CEACAM21: variants seen among roughly 807,000 people sequenced by gnomAD.
CEACAM21 encodes cell adhesion molecule CEACAM21.
In CEACAM21, 38 loss-of-function variants were observed where a neutral mutation model predicts 33.2. The ratio of observed to expected loss-of-function variants is 1.14; its 90% CI spans 0.88 to 1.50. The LOEUF is 1.50. Among genes scored for constraint, CEACAM21 ranks in the 40% most tolerant of loss-of-function variants. The pLI is 0.00. For missense variants in CEACAM21, 385 were observed against 364.6 expected (o/e 1.06, Z -0.46); for synonymous variants, 156 against 143.0 (o/e 1.09, Z -0.65).
intron 1 of CEACAM21, 61 bp from the exon 2 acceptor site, chr19:41,577,138 AC>A: frequency 6.2e-7 from 1 of 1,601,416 alleles, no homozygotes; most frequent in Non-Finnish European, 8.5e-7. Context: ...TGCACCCAGG[AC>A]CCCGTCTTTC....
upstream of CEACAM21, among the ~76,000 whole-genome samples, chr19:41,575,502 A>G (rs1555790701): frequency 1.3e-5 from 2 of 152,196 alleles, no homozygotes; most frequent in Non-Finnish European, 2.9e-5. Flanking sequence ...TCCACAAAAT[A>G]TATGTATTTG....
chr19:41,560,013 A>G lies in CEACAM21; in HGVS notation c.-778-4669A>G, dbSNP rs150302322. Among the ~76,000 whole-genome samples, 538 of 152,268 alleles carry G rather than the reference A, an allele frequency of 3.5e-3. 2 individuals are homozygous for G. Among genetic ancestry groups the G allele is most frequent in the Non-Finnish European group, 4.8e-3 (329 of 68,010 alleles). On this transcript the variant is annotated intron_variant, in intron 1 of 7. Coordinates refer to the CEACAM21 transcript ENST00000407170. ...TCTCAAAAACAAAACAAAACAAAAC[A>G]AAACAAAAAGCATGAGTAGCCCTAT...
chr19:41,556,257 C>T (rs1555785582), intron 1 of CEACAM21, among the ~76,000 whole-genome samples: 1 of 152,218 alleles, frequency 6.6e-6, no homozygotes, highest in African/African-American at 2.4e-5. Context: ...GAACCAAGCA[C>T]CTATTTGTTT....
Position 41,585,423 on chromosome 19 carries a change from A to G in CEACAM21, c.798-20A>G. Reference sequence around the variant, plus strand: ...GACTTTTAACCTTGCACCTTCACAAATAACCCTGACCTTTCCTAGGGCCAG... The same window carrying G: ...GACTTTTAACCTTGCACCTTCACAAGTAACCCTGACCTTTCCTAGGGCCAG... On this transcript the variant is annotated intron_variant, in intron 4 of 6. Transcript: ENST00000401445. 1 of 1,613,692 alleles carries G rather than the reference A, an allele frequency of 6.2e-7. No individual in the cohort carries two copies. The highest frequency in any genetic ancestry group is 1.3e-5 in the African/African-American group (1 of 74,996).
chr19:41,555,384 C>A (rs2122161342), intron 1 of CEACAM21: 1 of 149,654 alleles, frequency 6.7e-6, no homozygotes, highest in Admixed American at 6.7e-5. Context: ...GAGTAACCAG[C>A]TGAATGTCAG....
chr19:41,555,648 C>G (rs1326872957), intron 1 of CEACAM21, among the ~76,000 whole-genome samples: 1 of 151,878 alleles, frequency 6.6e-6, no homozygotes, highest in Non-Finnish European at 1.5e-5. Flanking sequence ...GCCACAAGAC[C>G]AAGCCACACA....
At chr19:41,580,426 A>G (rs2043290784) in intron 3 of CEACAM21, among the ~76,000 whole-genome samples, 1 of 152,192 alleles carries the variant, frequency 6.6e-6, no homozygotes. Flanking sequence ...CAGAGGGCTC[A>G]GTCCCACAAA....
intron 4 of CEACAM21, among the ~76,000 whole-genome samples, chr19:41,585,092 C>T (rs189644432): frequency 2.0e-5 from 3 of 152,314 alleles, no homozygotes; most frequent in Non-Finnish European, 4.4e-5. Context: ...CAGTGTCCTG[C>T]ACATGTGCCT....
At position 41,577,327 on chromosome 19, in the gene CEACAM21, C is replaced by T. The variant is rs1478839974; in HGVS notation, c.192C>T (p.Ser64=). 3.7e-6 allele frequency: 6 copies of T among 1,614,094 alleles called. No homozygotes were observed. The highest frequency in any genetic ancestry group is 5.1e-6 in the Non-Finnish European group (6 of 1,179,974). The change falls in exon 2 of 7, where the codon AGC becomes AGT. Residue 64 remains serine, a synonymous_variant. Coordinates refer to ENST00000401445, the MANE Select transcript of CEACAM21 (RefSeq NM_001098506.4). ...SVVYLPENLY[S]YGWYKGKTVE... is the part of the protein sequence containing the mutation. ...TTTATCTGCCCGAGAATCTTTACAG[C>T]TATGGCTGGTACAAAGGGAAAACGG...
At chr19:41,572,147 A>G (rs1356300385), upstream of CEACAM21, among the ~76,000 whole-genome samples, 1 of 152,214 alleles carries the variant, frequency 6.6e-6, no homozygotes, top group East Asian at 1.9e-4. Flanking sequence ...TGCTAAAACT[A>G]CAAAAGTGAC....
chr19:41,565,252 C>A (rs1241100939), intron 2 of CEACAM21, among the ~76,000 whole-genome samples: 1 of 152,040 alleles, frequency 6.6e-6, no homozygotes, highest in African/African-American at 2.4e-5. Context: ...GCACCGCCAC[C>A]GCTACTCCAG....
Position 41,583,813 on chromosome 19 carries a change from A to C in CEACAM21, c.701-534A>C, listed in dbSNP as rs2070495970. 2.0e-5 allele frequency among the ~76,000 whole-genome samples: 3 copies of C among 152,254 alleles called. 1 individual carries two copies. Among genetic ancestry groups the C allele is most frequent in the Middle Eastern group, 3.2e-3 (1 of 316 alleles). ...CAAGGTGAGATTTGGGTGGGGATAC[A>C]GAGCCTAACCATATCAATGGTGATG... On this transcript the variant is annotated intron_variant, in intron 3 of 6. Transcript: ENST00000401445.
At chr19:41,556,927 T>C (rs566047688) in intron 1 of CEACAM21, among the ~76,000 whole-genome samples, 1 of 152,348 alleles carries the variant, frequency 6.6e-6, no homozygotes, top group African/African-American at 2.4e-5. Flanking sequence ...AATAGGTCAA[T>C]TGTTTAGAAT....
chr19:41,556,832 T>C (rs374067527), intron 1 of CEACAM21, among the ~76,000 whole-genome samples: 1 of 152,244 alleles, frequency 6.6e-6, no homozygotes, highest in Non-Finnish European at 1.5e-5. Flanking sequence ...AGATTTTTTA[T>C]CTTTAATTTT....
intron 2 of CEACAM21, among the ~76,000 whole-genome samples, chr19:41,567,037 C>T (rs958396848): frequency 2.2e-4 from 34 of 151,484 alleles, no homozygotes; most frequent in African/African-American, 8.1e-4. Flanking sequence ...TTTATATTTT[C>T]ATATTGTTTT....
Position 41,579,568 on chromosome 19 carries a change from T to C in CEACAM21, c.640T>C (p.Cys214Arg), listed in dbSNP as rs2043215274. ...IRQEDAGEYQ[C>R]EVSNPVSSNR... ...GCAGGAGGACGCTGGGGAGTATCAG[T>C]GTGAGGTCTCCAACCCAGTCAGCTC... The change falls in exon 3 of 7, where the codon TGT (cysteine) becomes CGT (arginine). Residue 214 changes from cysteine to arginine, a missense_variant. Transcript: ENST00000401445. 2 of 1,600,884 alleles carry C rather than the reference T, an allele frequency of 1.2e-6. No individual in the cohort carries two copies. Among genetic ancestry groups the C allele is most frequent in the South Asian group, 2.2e-5 (2 of 89,268 alleles).
chr19:41,577,521 C>G lies in CEACAM21; in HGVS notation c.386C>G (p.Ser129Cys). ...YYNLQVTYRNSQIEQASHHLR... is the reference protein window; with the variant it reads ...YYNLQVTYRNCQIEQASHHLR... The stretch of plus-strand genomic sequence containing the variant: ...AACCTACAAGTCACATACAGAAATT[C>G]TCAGATTGAACAGGCATCTCACCAT... Residue 129 changes from serine (S) to cysteine (C), a missense_variant, in exon 2 of 7, where the codon TCT (serine) becomes TGT (cysteine). Ser to Cys is a moderately radical substitution (Grantham distance 112). Transcript: ENST00000401445. 3.7e-6 allele frequency: 6 copies of G among 1,614,034 alleles called. No homozygotes were observed. The highest frequency in any genetic ancestry group is 5.1e-6 in the Non-Finnish European group (6 of 1,180,002).
chr19:41,571,648 A>G (rs2042620397), upstream of CEACAM21, among the ~76,000 whole-genome samples: 1 of 152,194 alleles, frequency 6.6e-6, no homozygotes. Context: ...AAATTTGTAG[A>G]CTTTTGTATT....
At chr19:41,572,956 A>G (rs996049635), upstream of CEACAM21, among the ~76,000 whole-genome samples, 7 of 152,066 alleles carry the variant, frequency 4.6e-5, no homozygotes, top group African/African-American at 1.7e-4. Flanking sequence ...GCCCCTCCAG[A>G]TCTTCTCCCA....
Sources: gnomAD v4.1 joint callset for allele counts (sites outside exome capture counted in the v4.1 genomes callset) on GRCh38, gnomAD v4.1.1 for gene constraint, MANE v1.5 for transcripts, NCBI Gene and HGNC (gene_info 2026-07-23, HGNC 2026-07-21) for gene names.